SULF1: variants seen among roughly 807,000 people sequenced by gnomAD.
The protein encoded by SULF1 is extracellular sulfatase Sulf-1.
A neutral mutation model predicts 110.5 loss-of-function variants in SULF1; 46 were observed. The observed-to-expected ratio is 0.42, with a 90% CI of 0.33 to 0.53. The LOEUF is 0.53. Ranked by LOEUF, SULF1 falls within the 20% of genes least tolerant of loss-of-function variation. The pLI, the probability that SULF1 is intolerant of heterozygous loss-of-function variation, is 0.12. For missense variants in SULF1, 941 were observed against 1,094.2 expected (o/e 0.86, Z 1.98); for synonymous variants, 371 against 387.1 (o/e 0.96, Z 0.49).
Position 69,502,674 on chromosome 8 carries a change from CTTTTTCTTTT to C in SULF1, c.-134+722_-134+731del, listed in dbSNP as rs1375919812. 8.8e-5 allele frequency among the ~76,000 whole-genome samples: 11 copies of C among 124,572 alleles called. No homozygotes were observed. In the East Asian group the frequency reaches 1.2e-3, roughly 14 times the overall value. 81.7% of individuals were successfully genotyped at this position (124,572 alleles called of 152,430 possible). A position where few individuals can be genotyped will look rare whatever the true frequency, so the allele number is the denominator to read the frequency against. On this transcript the variant is annotated intron_variant, in intron 3 of 22. Transcript: ENST00000402687. ...ATTTGCTTGATTTTTTTTTTCTTTTCTTTTTCTTTTTTTTTCTTTTTTTTTTTTTTTGAGA... is the reference window on the plus strand; with the variant it reads ...ATTTGCTTGATTTTTTTTTTCTTTTCTTTTTCTTTTTTTTTTTTTTTGAGA...
chr8:69,595,213 A>T (rs142934758), intron 8 of SULF1, among the ~76,000 whole-genome samples: 31 of 152,286 alleles, frequency 2.0e-4, no homozygotes, highest in South Asian at 6.2e-4. Flanking sequence ...TGGTTTTGTG[A>T]AGGTCATGTG....
chr8:69,640,379 C>A (rs568265861), intron 21 of SULF1, among the ~76,000 whole-genome samples: 1 of 152,298 alleles, frequency 6.6e-6, no homozygotes, highest in African/African-American at 2.4e-5. Context: ...CTGGGTGGAG[C>A]CAGTTATGCT....
chr8:69,650,852 G>C (rs940968578), intron 22 of SULF1, among the ~76,000 whole-genome samples: 2 of 151,972 alleles, frequency 1.3e-5, no homozygotes, highest in Non-Finnish European at 2.9e-5. Flanking sequence ...GGTTCATATG[G>C]CATTTTTGCC....
intron 3 of SULF1, among the ~76,000 whole-genome samples, chr8:69,521,333 G>C (rs1054769103): frequency 6.6e-6 from 1 of 152,060 alleles, no homozygotes; most frequent in Admixed American, 6.6e-5. Context: ...TCTAATAGCA[G>C]GAGACAGACA....
intron 3 of SULF1, among the ~76,000 whole-genome samples, chr8:69,551,447 G>C (rs10504452): frequency 0.24 from 37,244 of 152,102 alleles, 5,028 homozygotes; most frequent in African/African-American, 0.37. Context: ...CTGGATACTT[G>C]TTGAAGGAGG....
intron 5 of SULF1, among the ~76,000 whole-genome samples, chr8:69,564,898 A>C (rs1815756280): frequency 6.6e-6 from 1 of 151,902 alleles, no homozygotes; most frequent in Admixed American, 6.6e-5. Context: ...TGTCACTACC[A>C]CTCCTCATTT....
At chr8:69,642,783 C>G (rs1811579825) in intron 22 of SULF1, among the ~76,000 whole-genome samples, 1 of 152,190 alleles carries the variant, frequency 6.6e-6, no homozygotes, top group Non-Finnish European at 1.5e-5. Context: ...GAGAGTCATT[C>G]TCCATGAAGT....
In SULF1 at chr8:69,560,042, C is replaced by T. The variant is rs183782783; in HGVS notation, c.-133-3497C>T. Among the ~76,000 whole-genome samples, 206 of 152,258 alleles carry T rather than the reference C, an allele frequency of 1.4e-3. 2 individuals are homozygous for T. The highest frequency in any genetic ancestry group is 4.6e-3 in the African/African-American group (193 of 41,562). On this transcript the variant is annotated intron_variant, in intron 3 of 22. Coordinates refer to ENST00000402687, the MANE Select transcript of SULF1 (RefSeq NM_001128205.2). ...AGAAAGCAAATAATGTGTCAGTATTCTTATCAAAATAGTTCTGACCTCATG... is the reference window on the plus strand; with the variant it reads ...AGAAAGCAAATAATGTGTCAGTATTTTTATCAAAATAGTTCTGACCTCATG...
chr8:69,633,539 C>A (rs1395950048), intron 19 of SULF1, among the ~76,000 whole-genome samples: 1 of 151,826 alleles, frequency 6.6e-6, no homozygotes, highest in Non-Finnish European at 1.5e-5. Flanking sequence ...CCATGTTGGC[C>A]AGGCTGACCT....
intron 19 of SULF1, among the ~76,000 whole-genome samples, chr8:69,631,149 C>T (rs1403251808): frequency 1.3e-5 from 2 of 152,118 alleles, no homozygotes; most frequent in Non-Finnish European, 2.9e-5. Flanking sequence ...GCAGAGGGAA[C>T]AGTGCAAGCA....
intron 6 of SULF1, among the ~76,000 whole-genome samples, chr8:69,580,582 T>G (rs898452753): frequency 1.3e-5 from 2 of 152,190 alleles, no homozygotes; most frequent in Non-Finnish European, 2.9e-5. Context: ...AAAGTTACAG[T>G]GTGTTATAAC....
At chr8:69,606,143 T>C (rs1400489604) in intron 13 of SULF1, among the ~76,000 whole-genome samples, 1 of 152,246 alleles carries the variant, frequency 6.6e-6, no homozygotes, top group Non-Finnish European at 1.5e-5. Flanking sequence ...GCTTGTTGAA[T>C]AGACATTCCT....
At chr8:69,597,985 C>G (rs930996143) in intron 8 of SULF1, among the ~76,000 whole-genome samples, 2 of 152,132 alleles carry the variant, frequency 1.3e-5, no homozygotes, top group Non-Finnish European at 2.9e-5. Context: ...TCCTCCTCAA[C>G]CTCTTAATCT....
At chr8:69,489,220 G>C (rs1411206408), upstream of SULF1, among the ~76,000 whole-genome samples, 1 of 152,126 alleles carries the variant, frequency 6.6e-6, no homozygotes. Context: ...ATCTCTCTAA[G>C]GTCTTTTCCA....
At position 69,601,688 on chromosome 8, in the gene SULF1, A is replaced by G; in HGVS notation, c.920A>G (p.Glu307Gly). 1 of 1,612,578 alleles carries G rather than the reference A, an allele frequency of 6.2e-7. No homozygotes were observed. The highest frequency in any genetic ancestry group is 2.2e-5 in the East Asian group (1 of 44,826). The change falls in exon 10 of 23, where the codon GAG (glutamate) becomes GGG (glycine). Residue 307 changes from glutamate (E) to glycine (G), a missense_variant. Transcript: ENST00000402687. ...YNMLVETGEL[E>G]NTYIIYTADH... ...ATGCTCGTGGAGACGGGGGAGCTGG[A>G]GAATACTTACATCATTTACACCGCC...
In SULF1 at chr8:69,543,225, T is replaced by C. The variant is rs1349217363; in HGVS notation, c.-133-20314T>C. Among the ~76,000 whole-genome samples the C allele has an allele frequency of 2.6e-5, 4 of 152,320 alleles. No individual in the cohort carries two copies. The East Asian group carries it at 7.7e-4, about 29-fold the overall frequency. ...TTTTTGTTGTTGTTGTTGTTGTTTA[T>C]TTCTTTTAAATTCCAGGGTACACGT... On this transcript the variant is annotated intron_variant, in intron 3 of 22. Coordinates refer to ENST00000402687, the MANE Select transcript of SULF1 (RefSeq NM_001128205.2).
intron 3 of SULF1, among the ~76,000 whole-genome samples, chr8:69,502,994 T>C (rs1327620955): frequency 6.6e-6 from 1 of 152,088 alleles, no homozygotes; most frequent in East Asian, 1.9e-4. Context: ...GCCTGCTTGA[T>C]TTTTATTCTA....
chr8:69,489,839 C>T (rs1207758266), upstream of SULF1, among the ~76,000 whole-genome samples: 4 of 151,874 alleles, frequency 2.6e-5, no homozygotes, highest in East Asian at 1.9e-4. Flanking sequence ...CCACTGCGCC[C>T]GGCCCCCGCC....
chr8:69,469,162 C>G (rs1324618183), intron 1 of SULF1: 1 of 152,212 alleles, frequency 6.6e-6, no homozygotes, highest in Non-Finnish European at 1.5e-5. Context: ...TTGTCAAAAT[C>G]AAAATCTACT....
Sources: gnomAD v4.1 joint callset for allele counts (sites outside exome capture counted in the v4.1 genomes callset) on GRCh38, gnomAD v4.1.1 for gene constraint, MANE v1.5 for transcripts, NCBI Gene and HGNC (gene_info 2026-07-23, HGNC 2026-07-21) for gene names.